The following CDH7 variants were observed in gnomAD, a reference collection of about 807,000 sequenced individuals.
CDH7 encodes the protein cadherin 7.
Under a neutral mutation model 71.8 loss-of-function variants are expected in CDH7, and 25 were observed. The observed-to-expected ratio is 0.35, with a 90% CI of 0.25 to 0.49. CDH7 has a LOEUF of 0.49. CDH7 is among the 20% of genes least tolerant of loss of function. The pLI is 0.99. For synonymous variants in CDH7, 381 were observed against 363.8 expected, an observed-to-expected ratio of 1.05 and a Z score of -0.54; for missense variants, 862 against 974.6, an observed-to-expected ratio of 0.88 and a Z score of 1.54.
At chr18:65,829,473 A>C (rs1912255542) in intron 6 of CDH7, among the ~76,000 whole-genome samples, 1 of 151,358 alleles carries the variant, frequency 6.6e-6, no homozygotes, top group Admixed American at 6.6e-5. Context: ...AATTAAAAAA[A>C]AAAAAAAAAC....
intron 9 of CDH7, 115 bp downstream of exon 9, chr18:65,859,161 G>T: frequency 1.0e-6 from 1 of 954,120 alleles, no homozygotes; most frequent in Non-Finnish European, 1.6e-6. Flanking sequence ...GCTTGTTTCA[G>T]CAAAACTAAC....
At chr18:65,761,822 G>T (rs372205596) in intron 1 of CDH7, among the ~76,000 whole-genome samples, 2 of 152,106 alleles carry the variant, frequency 1.3e-5, no homozygotes, top group Admixed American at 1.3e-4. Flanking sequence ...GCACCTCCTG[G>T]ATGCATGCCA....
intron 2 of CDH7, among the ~76,000 whole-genome samples, chr18:65,794,063 C>G (rs1910816130): frequency 6.6e-6 from 1 of 152,036 alleles, no homozygotes; most frequent in Non-Finnish European, 1.5e-5. Flanking sequence ...AGACAAGAAT[C>G]AGAAATAGCA....
At chr18:65,847,596 A>AG (rs1265743866) in intron 7 of CDH7, among the ~76,000 whole-genome samples, 2 of 152,136 alleles carry the variant, frequency 1.3e-5, no homozygotes, top group African/African-American at 4.8e-5. Context: ...ACTTTACTGA[A>AG]GTACCACCCA....
intron 2 of CDH7, among the ~76,000 whole-genome samples, chr18:65,789,014 A>G (rs1025931618): frequency 3.3e-5 from 5 of 152,242 alleles, no homozygotes; most frequent in African/African-American, 1.2e-4. Flanking sequence ...CTTTAAACAA[A>G]TATTTATAGT....
chr18:65,782,333 A>G lies in CDH7; in HGVS notation c.210+19281A>G, dbSNP rs1289365217. 4.6e-5 allele frequency among the ~76,000 whole-genome samples: 7 copies of G among 151,146 alleles called. No individual in the cohort carries two copies. The South Asian group carries it at 8.3e-4, about 18-fold the overall frequency. The stretch of plus-strand genomic sequence containing the variant: ...AGGCATGCGCCACCACACCTGACAA[A>G]TTTTTGTATTTTTAGTAGAGACGGG... On this transcript the variant is annotated intron_variant, in intron 2 of 11. Transcript: ENST00000397968.
intron 2 of CDH7, among the ~76,000 whole-genome samples, chr18:65,766,198 T>TA (rs1916360552): frequency 6.6e-6 from 1 of 152,056 alleles, no homozygotes; most frequent in Non-Finnish European, 1.5e-5. Flanking sequence ...GAGATATAAT[T>TA]AGTGGGTAAA....
chr18:65,806,662 G>GTA (rs1911336920), intron 2 of CDH7, among the ~76,000 whole-genome samples: 1 of 151,942 alleles, frequency 6.6e-6, no homozygotes, highest in Non-Finnish European at 1.5e-5. Context: ...CCATGCATGT[G>GTA]TGTGTGTGTG....
chr18:65,876,806 T>C (rs754818396), intron 11 of CDH7, among the ~76,000 whole-genome samples: 2 of 152,252 alleles, frequency 1.3e-5, no homozygotes, highest in Non-Finnish European at 2.9e-5. Context: ...TGTGCAACAT[T>C]ACACTACAAT....
intron 8 of CDH7, 44 bp downstream of exon 8, chr18:65,857,996 A>T: frequency 1.9e-6 from 3 of 1,586,122 alleles, no homozygotes; most frequent in Non-Finnish European, 2.6e-6. Context: ...GAGGACAGTG[A>T]GTGGAGAATC....
chr18:65,851,610 C>T (rs755835215), intron 7 of CDH7, among the ~76,000 whole-genome samples: 12 of 152,190 alleles, frequency 7.9e-5, no homozygotes, highest in Non-Finnish European at 1.6e-4. Flanking sequence ...GTTCAGAACA[C>T]TGAAGACACA....
At chr18:65,870,614 A>G (rs978473742) in intron 11 of CDH7, among the ~76,000 whole-genome samples, 1 of 152,062 alleles carries the variant, frequency 6.6e-6, no homozygotes. Context: ...AGGACCCACA[A>G]TGCGTTTCTT....
intron 3 of CDH7, among the ~76,000 whole-genome samples, chr18:65,811,104 C>A (rs1911518285): frequency 6.6e-6 from 1 of 151,280 alleles, no homozygotes; most frequent in Admixed American, 6.6e-5. Flanking sequence ...TTATTTCCTG[C>A]TGTTTTTAAT....
intron 7 of CDH7, among the ~76,000 whole-genome samples, chr18:65,851,567 G>A (rs151126809): frequency 5.6e-4 from 85 of 152,236 alleles, no homozygotes; most frequent in African/African-American, 2.0e-3. Flanking sequence ...GATAATCACC[G>A]GTATTCATTA....
intron 2 of CDH7, among the ~76,000 whole-genome samples, chr18:65,781,767 TTTCCTTCCTTCCTTCCTTCC>T (rs1189209857): frequency 9.3e-5 from 7 of 75,482 alleles, no homozygotes; most frequent in Admixed American, 2.6e-4. Flanking sequence ...TCTTTCTTTC[TTTCCTTCCTTCCTTCCTTCC>T]TTCCTTCCTT....
chr18:65,868,641 A>G (rs944131985), intron 11 of CDH7, among the ~76,000 whole-genome samples: 1 of 152,188 alleles, frequency 6.6e-6, no homozygotes, highest in African/African-American at 2.4e-5. Flanking sequence ...ATTTTATAGT[A>G]TCTTCCAATT....
At position 65,804,699 on chromosome 18, in the gene CDH7, C is replaced by CGTGTGT. The variant is rs56242508; in HGVS notation, c.211-4984_211-4979dup. 6.5e-3 allele frequency among the ~76,000 whole-genome samples: 974 copies of CGTGTGT among 148,794 alleles called. 2 individuals are homozygous for CGTGTGT. The highest frequency in any genetic ancestry group is 0.01 in the Middle Eastern group (3 of 292). On this transcript the variant is annotated intron_variant, in intron 2 of 11. Coordinates refer to ENST00000397968, the MANE Select transcript of CDH7 (RefSeq NM_004361.5). Reference sequence around the variant, plus strand: ...CACGTTTCAACCCTCCCTTAACACACGTGTGTGTGTGTGTGTGTGTGTGTG... The same window carrying CGTGTGT: ...CACGTTTCAACCCTCCCTTAACACACGTGTGTGTGTGTGTGTGTGTGTGTGTGTGTG...
At chr18:65,757,044 G>GTTTT (rs35923381) in intron 1 of CDH7, among the ~76,000 whole-genome samples, 327 of 143,972 alleles carry the variant, frequency 2.3e-3, no homozygotes, top group African/African-American at 8.0e-3. Flanking sequence ...ATGCATAACA[G>GTTTT]TTTTTTTTTT....
intron 6 of CDH7, among the ~76,000 whole-genome samples, chr18:65,840,250 G>C (rs1468494172): frequency 6.6e-6 from 1 of 152,136 alleles, no homozygotes; most frequent in East Asian, 1.9e-4. Context: ...CAAAAAAGCT[G>C]CTTCTCTCTT....
Sources: allele counts gnomAD v4.1 joint callset (sites outside exome capture counted in the v4.1 genomes callset), GRCh38; gene constraint gnomAD v4.1.1; transcripts MANE v1.5; gene names NCBI Gene and HGNC (gene_info 2026-07-23, HGNC 2026-07-21).